Variants in PTPRU observed in about 807,000 individuals in gnomAD.
PTPRU encodes the protein protein tyrosine phosphatase receptor type U.
Under a neutral mutation model 166.3 loss-of-function variants are expected in PTPRU, and 69 were observed. The observed-to-expected ratio is 0.41, with a 90% confidence interval of 0.34 to 0.51. The LOEUF (loss-of-function observed/expected upper bound fraction) is 0.51. Among genes scored for constraint, PTPRU ranks in the 20% least tolerant of loss-of-function variants. PTPRU has a pLI of 0.09. For synonymous variants in PTPRU, 793 were observed against 814.0 expected (o/e 0.97, Z 0.44); for missense variants, 1,657 against 2,013.7 (o/e 0.82, Z 3.39).
chr1:29,319,866 C>G (rs919392382), intron 25 of PTPRU, among the ~76,000 whole-genome samples: 2 of 151,746 alleles, frequency 1.3e-5, no homozygotes, highest in Non-Finnish European at 2.9e-5. Context: ...CAGGGTGGGG[C>G]AGGGCAGGTC....
Position 29,280,268 on chromosome 1 carries a change from G to C in PTPRU, c.1868+127G>C, listed in dbSNP as rs1040227524. ...CTCAGTCTCCCACGCAGGGCTTGGA[G>C]TGTCTGGAGGAGATTGTTCTGTGAT... On this transcript the variant is annotated intron_variant, in intron 11 of 29. Coordinates refer to ENST00000373779, the MANE Select transcript of PTPRU (RefSeq NM_133178.4). The surrounding 1 kb of genome is among the most constrained non-coding windows in gnomAD (Gnocchi z 4.2). 3 of 897,130 alleles carry C rather than the reference G, an allele frequency of 3.3e-6. No homozygotes were observed. Among genetic ancestry groups the C allele is most frequent in the African/African-American group, 3.4e-5 (2 of 59,432 alleles). 55.6% of individuals were successfully genotyped at this position (897,130 alleles called of 1,614,324 possible).
At chr1:29,266,252 G>A (rs1251951872) in intron 7 of PTPRU, among the ~76,000 whole-genome samples, 1 of 151,872 alleles carries the variant, frequency 6.6e-6, no homozygotes, top group Non-Finnish European at 1.5e-5. Context: ...AGGTGATCCG[G>A]CCTCCCAAAG....
At position 29,282,708 on chromosome 1, in the gene PTPRU, C is replaced by T. The variant is rs758440077; in HGVS notation, c.1901C>T (p.Ala634Val). 3.7e-6 allele frequency: 6 copies of T among 1,612,984 alleles called. No individual in the cohort carries two copies. Among genetic ancestry groups the T allele is most frequent in the Admixed American group, 1.7e-5 (1 of 59,972 alleles). The change falls in exon 12 of 30, where the codon GCG (alanine) becomes GTG (valine). Residue 634 changes from alanine (A) to valine (V), a missense_variant. Ala to Val is a moderately conservative substitution (Grantham distance 64). Transcript: ENST00000373779. ...VYQVIVEEER[A>V]RRLRREPGGQ... ...CAGGTGATTGTGGAGGAGGAGCGGG[C>T]GCGGAGGCTGCGGCGGGAGCCAGGT...
At chr1:29,316,342 A>G (rs1004244384) in intron 24 of PTPRU, among the ~76,000 whole-genome samples, 191 bp downstream of exon 24, 1 of 152,218 alleles carries the variant, frequency 6.6e-6, no homozygotes, top group Non-Finnish European at 1.5e-5. Context: ...AAAGCAGTTA[A>G]GAGCCCAGGC....
intron 14 of PTPRU, among the ~76,000 whole-genome samples, chr1:29,290,291 T>TGACAGAGTCCTC (rs1553124078): frequency 1.3e-5 from 2 of 152,204 alleles, no homozygotes; most frequent in Non-Finnish European, 2.9e-5. Context: ...GCTCAGTTCT[T>TGACAGAGTCCTC]GACAGAGTCC....
chr1:29,280,250 T>G lies in PTPRU; in HGVS notation c.1868+109T>G. ...AGCTCACCCTTTTCCTCCCTCAGTC[T>G]CCCACGCAGGGCTTGGAGTGTCTGG... On this transcript the variant is annotated intron_variant, in intron 11 of 29. Transcript: ENST00000373779. The surrounding 1 kb of genome is among the most constrained non-coding windows in gnomAD (Gnocchi z 4.2). 9 of 1,087,758 alleles carry G rather than the reference T, an allele frequency of 8.3e-6. No individual in the cohort carries two copies. Among genetic ancestry groups the G allele is most frequent in the Non-Finnish European group, 1.2e-5 (9 of 751,422 alleles). The allele number at this position is 1,087,758 out of a possible 1,614,324, so 67.4% of individuals were successfully genotyped here. A position where few individuals can be genotyped will look rare whatever the true frequency, so the allele number is the denominator to read the frequency against.
rs1684829894 is a variant in PTPRU at position 29,257,596 on chromosome 1, C to T, written c.206-909C>T. 6.6e-6 allele frequency among the ~76,000 whole-genome samples: 1 copy of T among 152,190 alleles called. No homozygotes were observed. The highest frequency in any genetic ancestry group is 1.5e-5 in the Non-Finnish European group (1 of 68,032). ...GGGGAAGGGACAGGCTGCCTTTCTC[C>T]AGGTTGGAAGTCAAGGGGATTTGTA... On this transcript the variant is annotated intron_variant, in intron 2 of 29. Coordinates refer to ENST00000373779, the MANE Select transcript of PTPRU (RefSeq NM_133178.4). The surrounding 1 kb of genome is among the most constrained non-coding windows in gnomAD (Gnocchi z 4.6).
rs532961745 is a variant in PTPRU at position 29,308,270 on chromosome 1, C to T, written c.2821-2474C>T. 3.6e-3 allele frequency among the ~76,000 whole-genome samples: 538 copies of T among 149,972 alleles called. 3 individuals are homozygous for T. Among genetic ancestry groups the T allele is most frequent in the Non-Finnish European group, 6.1e-3 (411 of 67,804 alleles). ...GACTACAGGCGTGTGCTGCCATGCC[C>T]GGCTAATTTTTTCCTTTTTTTTTTT... On this transcript the variant is annotated intron_variant, in intron 18 of 29. Coordinates refer to ENST00000373779, the MANE Select transcript of PTPRU (RefSeq NM_133178.4).
chr1:29,245,593 G>A (rs554832447), intron 1 of PTPRU, among the ~76,000 whole-genome samples: 1 of 152,326 alleles, frequency 6.6e-6, no homozygotes, highest in East Asian at 1.9e-4. Flanking sequence ...GCATTGCATT[G>A]AGGGTGTGCG....
chr1:29,303,496 G>A (rs1020248052), intron 15 of PTPRU, among the ~76,000 whole-genome samples: 2 of 152,250 alleles, frequency 1.3e-5, no homozygotes, highest in African/African-American at 2.4e-5. Flanking sequence ...CTCTGGAAGA[G>A]GGGGAGGAAG....
rs1685751121 is a variant in PTPRU at position 29,275,480 on chromosome 1, G to T, written c.1177G>T (p.Ala393Ser). ...GAGGGCCCCCAAAGGCCTGGCTTTT[G>T]CTGAGATCCAGGCCCGTCAGCTGAC... ...PMRAPKGLAF[A>S]EIQARQLTLQ... Residue 393 changes from alanine (A) to serine (S), a missense_variant, in exon 8 of 30, where the codon GCT (alanine) becomes TCT (serine). Around this residue, in one of 3 missense-constraint regions of PTPRU, gnomAD observed 1,190 missense variants for 1,477.4 expected, o/e 0.81. Coordinates refer to ENST00000373779, the MANE Select transcript of PTPRU (RefSeq NM_133178.4). The T allele has an allele frequency of 6.2e-7, 1 of 1,614,114 alleles. No homozygotes were observed. Among genetic ancestry groups the T allele is most frequent in the African/African-American group, 1.3e-5 (1 of 75,044 alleles).
chr1:29,259,600 T>TGTTTTGGGGGGGGGGGGGGGGG, intron 5 of PTPRU, 36 bp downstream of exon 5: 2 of 253,694 alleles, frequency 7.9e-6, no homozygotes, highest in Non-Finnish European at 1.5e-5. Context: ...GGGGGCGGGG[T>TGTTTTGGGGGGGGGGGGGGGGG]GGGAGGGGGT....
At position 29,323,381 on chromosome 1, in the gene PTPRU, A is replaced by G. The variant is rs756826432; in HGVS notation, c.3839A>G (p.Gln1280Arg). ...CGTGCTTATGCCCAGCCCTGCCTGCAGTACTGGCCAGAGCCAGGCCGGCAG... is the reference window on the plus strand; with the variant it reads ...CGTGCTTATGCCCAGCCCTGCCTGCGGTACTGGCCAGAGCCAGGCCGGCAG... ...NQSNSAWPCL[Q>R]YWPEPGRQQY... The change falls in exon 27 of 30, where the codon CAG becomes CGG. Residue 1280 changes from glutamine to arginine, a missense_variant. Gln to Arg is a conservative substitution (Grantham distance 43). This residue lies in a region of PTPRU where 1,190 missense variants were observed against 1,477.4 expected (regional missense o/e 0.81). Transcript: ENST00000373779. 4.4e-6 allele frequency: 7 copies of G among 1,607,286 alleles called. No individual in the cohort carries two copies. The African/African-American group carries it at 9.4e-5, about 22-fold the overall frequency.
chr1:29,248,873 C>T (rs945506623), intron 1 of PTPRU, among the ~76,000 whole-genome samples: 3 of 152,196 alleles, frequency 2.0e-5, no homozygotes, highest in African/African-American at 7.2e-5. Context: ...CGGGAGACCT[C>T]CCCTTTCCGA....
At position 29,260,386 on chromosome 1, in the gene PTPRU, G is replaced by T; in HGVS notation, c.851-224G>T. On this transcript the variant is annotated intron_variant, in intron 6 of 29. Coordinates refer to ENST00000373779, the MANE Select transcript of PTPRU (RefSeq NM_133178.4). The surrounding 1 kb of genome is among the most constrained non-coding windows in gnomAD (Gnocchi z 8.3). Reference sequence around the variant, plus strand: ...GGATTAGGAGGGGCCTGAGAGAGGGGTTGTGGGCTGATGGGCGAGGGCGGG... The same window carrying T: ...GGATTAGGAGGGGCCTGAGAGAGGGTTTGTGGGCTGATGGGCGAGGGCGGG... The T allele has an allele frequency of 2.0e-6, 1 of 495,182 alleles. No individual in the cohort carries two copies. The highest frequency in any genetic ancestry group is 3.5e-6 in the Non-Finnish European group (1 of 288,242). The allele number at this position is 495,182 out of a possible 1,614,324, so 30.7% of individuals were successfully genotyped here.
rs1685978650 is a variant in PTPRU, at chr1:29,279,800, GTCAGGC to G, written c.1765+149_1765+154del. ...ATAAATATGCCATTTAGGAGTTAAAGTCAGGCTCAGGGAGGATGAAGTCAGAGGAGT... is the reference window on the plus strand; with the variant it reads ...ATAAATATGCCATTTAGGAGTTAAAGTCAGGGAGGATGAAGTCAGAGGAGT... On this transcript the variant is annotated intron_variant, in intron 10 of 29. Coordinates refer to ENST00000373779, the MANE Select transcript of PTPRU (RefSeq NM_133178.4). The surrounding 1 kb of genome is among the most constrained non-coding windows in gnomAD (Gnocchi z 5.2). 2 of 1,103,190 alleles carry G rather than the reference GTCAGGC, an allele frequency of 1.8e-6. No homozygotes were observed. Among genetic ancestry groups the G allele is most frequent in the Admixed American group, 2.2e-5 (1 of 46,190 alleles). 68.3% of individuals were successfully genotyped at this position (1,103,190 alleles called of 1,614,324 possible). A position where few individuals can be genotyped will look rare whatever the true frequency, so the allele number is the denominator to read the frequency against.
chr1:29,252,967 A>G (rs1231039911), intron 1 of PTPRU, among the ~76,000 whole-genome samples: 3 of 152,134 alleles, frequency 2.0e-5, no homozygotes, highest in Non-Finnish European at 4.4e-5. Flanking sequence ...TCCTCCAGAC[A>G]CCAGTCGCAA....
intron 5 of PTPRU, 103 bp downstream of exon 5, chr1:29,259,667 C>T (rs1684949475): frequency 2.3e-6 from 3 of 1,282,318 alleles, no homozygotes; most frequent in Non-Finnish European, 3.2e-6. Flanking sequence ...GCTTCATACT[C>T]CAGCACTGCG....
At chr1:29,286,507 A>G (rs980059539) in intron 14 of PTPRU, among the ~76,000 whole-genome samples, 1 of 152,080 alleles carries the variant, frequency 6.6e-6, no homozygotes, top group Non-Finnish European at 1.5e-5. Flanking sequence ...CTCGCCTACA[A>G]ATGTGAAGGC....
Sources: gnomAD v4.1 joint callset for allele counts (sites outside exome capture counted in the v4.1 genomes callset) on GRCh38, gnomAD v4.1.1 for gene constraint, gnomAD v4.1.1 regional missense constraint, Gnocchi (gnomAD v3.1) non-coding constraint, MANE v1.5 for transcripts, NCBI Gene and HGNC (gene_info 2026-07-23, HGNC 2026-07-21) for gene names.